MPP2: variants seen among roughly 807,000 people sequenced by gnomAD.
MPP2 encodes the protein MAGUK p55 subfamily member 2.
A neutral mutation model predicts 58.5 loss-of-function variants in MPP2; 42 were observed. The ratio of observed to expected loss-of-function variants is 0.72; its 90% CI spans 0.56 to 0.93. MPP2 has a LOEUF of 0.93. MPP2 is among the 40% of genes least tolerant of loss of function. The pLI is 0.00. For synonymous variants in MPP2, 300 were observed against 307.8 expected (o/e 0.97, Z 0.26); for missense variants, 632 against 760.4 (o/e 0.83, Z 1.99).
chr17:43,886,065 G>A (rs1391271063), intron 3 of MPP2, among the ~76,000 whole-genome samples: 4 of 151,108 alleles, frequency 2.6e-5, no homozygotes, highest in Admixed American at 6.6e-5. Context: ...CTGAGATCGC[G>A]CCACTGCCCT....
rs754463406 is a variant in MPP2 at position 43,879,388 on chromosome 17, G to A, written c.1369C>T (p.Arg457Ter). 12 of 1,614,032 alleles carry A rather than the reference G, an allele frequency of 7.4e-6. No homozygotes were observed. The highest frequency in any genetic ancestry group is 3.3e-5 in the Admixed American group (2 of 60,006). The change falls in exon 12 of 13, where the codon CGA becomes TGA. Residue 457 changes from arginine to a stop codon, truncating the protein, a stop_gained. Transcript: ENST00000269095. LOFTEE classifies it high-confidence loss of function. The surrounding 1 kb of genome is among the most constrained non-coding windows in gnomAD (Gnocchi z 4.1). ...DVNPQAVKVL[R>*]TAEFVPYVVF... The stretch of plus-strand genomic sequence containing the variant: ...ACGTAAGGGACAAACTCGGCCGTTC[G>A]TAGCACCTTCACCGCCTGCAGAAGG...
rs145932364 is a variant in MPP2, at chr17:43,885,745, G to A, written c.151-2390C>T. Among the ~76,000 whole-genome samples the A allele has an allele frequency of 1.4e-3, 219 of 152,292 alleles. 1 individual carries two copies. The highest frequency in any genetic ancestry group is 9.2e-3 in the Admixed American group (140 of 15,298). On this transcript the variant is annotated intron_variant, in intron 3 of 12. Transcript: ENST00000269095. ...ATCAGCCGGGAAGGGTAGTAGGGGC[G>A]TAAGGGATAAAAGACTACACACTGG...
At chr17:43,909,653 C>T (rs187055111), upstream of MPP2, 78 of 1,400,922 alleles carry the variant, frequency 5.6e-5, no homozygotes, top group Non-Finnish European at 7.0e-5. Flanking sequence ...TTATTCTTAG[C>T]GGCTGCCCCA....
chr17:43,887,995 AC>A (rs2047443375), intron 3 of MPP2, among the ~76,000 whole-genome samples: 1 of 152,134 alleles, frequency 6.6e-6, no homozygotes, highest in Non-Finnish European at 1.5e-5. Context: ...ATTATGCATG[AC>A]TTGTTGAATG....
At chr17:43,884,087 A>G (rs1481524167) in intron 3 of MPP2, 1 of 702,614 alleles carries the variant, frequency 1.4e-6, no homozygotes, top group Admixed American at 2.0e-5. Context: ...ACTTTACCCC[A>G]AAGTATTTCA....
chr17:43,901,514 G>A lies in MPP2; in HGVS notation c.31+2916C>T, dbSNP rs1332429754. On this transcript the variant is annotated intron_variant, in intron 2 of 12. Transcript: ENST00000269095. ...TCTTGTGCCCAAGAGGCCACCATCA[G>A]GGTACTGCAGCCTCCACTCAGACAT... 5.1e-6 allele frequency: 5 copies of A among 985,344 alleles called. No individual in the cohort carries two copies. In the East Asian group the frequency reaches 4.5e-4, roughly 89 times the overall value. 61.0% of individuals were successfully genotyped at this position (985,344 alleles called of 1,614,324 possible).
intron 2 of MPP2, chr17:43,900,413 G>C (rs1253101302): frequency 5.2e-6 from 8 of 1,532,886 alleles, no homozygotes; most frequent in Non-Finnish European, 7.0e-6. Context: ...GACTCTGCTG[G>C]AGGAAGGTAG....
chr17:43,898,163 C>T (rs879003976), intron 3 of MPP2, 99 bp downstream of exon 3: 1 of 918,774 alleles, frequency 1.1e-6, no homozygotes, highest in Non-Finnish European at 1.8e-6. Flanking sequence ...TCTTGTGCCA[C>T]ATGTCCCATT....
In MPP2 at chr17:43,880,641, G is replaced by T; in HGVS notation, c.1150+50C>A. On this transcript the variant is annotated intron_variant, in intron 10 of 12. Transcript: ENST00000269095. The surrounding 1 kb of genome is among the most constrained non-coding windows in gnomAD (Gnocchi z 5.2). ...TCGGTGGGCCCAGCCCTGGCCCCAG[G>T]GGAGCCCTGCTCCTTGTCCCCAACT... The T allele has an allele frequency of 6.5e-7, 1 of 1,546,272 alleles. No individual in the cohort carries two copies. The highest frequency in any genetic ancestry group is 8.8e-7 in the Non-Finnish European group (1 of 1,142,546).
chr17:43,902,259 CAA>C (rs2048122820), intron 2 of MPP2, among the ~76,000 whole-genome samples: 1 of 152,154 alleles, frequency 6.6e-6, no homozygotes, highest in Non-Finnish European at 1.5e-5. Context: ...CGCCACACCC[CAA>C]GGCTCCACTC....
chr17:43,882,033 G>A (rs757174433), intron 6 of MPP2, among the ~76,000 whole-genome samples: 1 of 152,236 alleles, frequency 6.6e-6, no homozygotes, highest in Non-Finnish European at 1.5e-5. Context: ...CCATAATGCA[G>A]GCGCTCTCTC....
chr17:43,907,275 G>A (rs2048328132), intron 1 of MPP2, 199 bp downstream of exon 1: 5 of 985,626 alleles, frequency 5.1e-6, no homozygotes, highest in Non-Finnish European at 6.0e-6. Context: ...TCAATGGGCA[G>A]CGGGGCTTGG....
At chr17:43,886,546 G>A (rs1180505171) in intron 3 of MPP2, among the ~76,000 whole-genome samples, 4 of 152,086 alleles carry the variant, frequency 2.6e-5, no homozygotes, top group Non-Finnish European at 2.9e-5. Context: ...AAATGACTCC[G>A]GCATAGTATT....
In MPP2 at chr17:43,897,046, C is replaced by A. The variant is rs536037113; in HGVS notation, c.150+1216G>T. ...TTTACCCTAAGGTCTGGGACCACAG[C>A]TCCATTTCAGGCTCTCAGCATCTTA... On this transcript the variant is annotated intron_variant, in intron 3 of 12. Coordinates refer to ENST00000269095, the MANE Select transcript of MPP2 (RefSeq NM_005374.5). Among the ~76,000 whole-genome samples, 6 of 152,322 alleles carry A rather than the reference C, an allele frequency of 3.9e-5. No homozygotes were observed. The East Asian group carries it at 1.2e-3, about 29-fold the overall frequency.
intron 3 of MPP2, among the ~76,000 whole-genome samples, chr17:43,894,284 G>A (rs554582853): frequency 8.0e-4 from 121 of 151,770 alleles, no homozygotes; most frequent in African/African-American, 2.8e-3. Flanking sequence ...GGGCATGGTA[G>A]CGCATGCCTG....
chr17:43,883,182 C>T, intron 4 of MPP2, 21 bp downstream of exon 4: 3 of 1,592,034 alleles, frequency 1.9e-6, no homozygotes, highest in Non-Finnish European at 2.6e-6. Context: ...CTCCCTCACC[C>T]CAGCCCTAGC....
In MPP2 at chr17:43,881,468, T is replaced by C. The variant is rs777259610; in HGVS notation, c.803A>G (p.Asn268Ser). 4.3e-6 allele frequency: 7 copies of C among 1,614,086 alleles called. No individual in the cohort carries two copies. The highest frequency in any genetic ancestry group is 1.1e-5 in the South Asian group (1 of 91,074). Residue 268 changes from asparagine to serine, a missense_variant, in exon 7 of 13, where the codon AAC becomes AGC. By Grantham distance (46) the Asn-to-Ser change is conservative (BLOSUM62 1). Coordinates refer to ENST00000269095, the MANE Select transcript of MPP2 (RefSeq NM_005374.5). ...GTGCCCGCAGCTCACCTGCCACCAG[T>C]TGGCATCATCCTGGTTTACGATCTG... ...LLQIVNQDDANWWQACHVEGG... is the reference protein window; with the variant it reads ...LLQIVNQDDASWWQACHVEGG...
At position 43,879,333 on chromosome 17, in the gene MPP2, G is replaced by A. The variant is rs1362796770; in HGVS notation, c.1424C>T (p.Thr475Ile). 3 of 1,614,034 alleles carry A rather than the reference G, an allele frequency of 1.9e-6. No homozygotes were observed. Among genetic ancestry groups the A allele is most frequent in the African/African-American group, 1.3e-5 (1 of 74,914 alleles). ...CGCAGCCCTGTTCATGGCCCGCAGG[G>A]TCTCGAAGTCTGGGGCCTCGATGAA... Reference protein sequence around the residue: ...VVFIEAPDFETLRAMNRAALE... With the variant: ...VVFIEAPDFEILRAMNRAALE... Residue 475 changes from threonine (T) to isoleucine (I), a missense_variant, in exon 12 of 13, where the codon ACC becomes ATC. Coordinates refer to ENST00000269095, the MANE Select transcript of MPP2 (RefSeq NM_005374.5). The surrounding 1 kb of genome is among the most constrained non-coding windows in gnomAD (Gnocchi z 4.1).
rs757954479 is a variant in MPP2 at position 43,901,191 on chromosome 17, C to A, written c.32-2811G>T. 9.7e-6 allele frequency: 9 copies of A among 928,100 alleles called. No individual in the cohort carries two copies. In the Admixed American group the frequency reaches 5.6e-4, roughly 57 times the overall value. 57.5% of individuals were successfully genotyped at this position (928,100 alleles called of 1,614,324 possible). On this transcript the variant is annotated intron_variant, in intron 2 of 12. Coordinates refer to ENST00000269095, the MANE Select transcript of MPP2 (RefSeq NM_005374.5). ...CAAATACCTCAAGCCTCAGACGCCT[C>A]CCCCTACCCACCCTTGGTCAGCCAC...
Sources: gnomAD v4.1 joint callset for allele counts (sites outside exome capture counted in the v4.1 genomes callset) on GRCh38, gnomAD v4.1.1 for gene constraint, Gnocchi (gnomAD v3.1) non-coding constraint, MANE v1.5 for transcripts, NCBI Gene and HGNC (gene_info 2026-07-23, HGNC 2026-07-21) for gene names.